NR3C1: variants seen among roughly 807,000 people sequenced by gnomAD.
NR3C1 encodes the protein nuclear receptor subfamily 3 group C member 1, also known as glucocorticoid receptor.
A neutral mutation model predicts 74.0 loss-of-function variants in NR3C1; 14 were observed. The observed-to-expected ratio is 0.19, with a 90% CI of 0.12 to 0.30. NR3C1 has a LOEUF of 0.30. Ranked by LOEUF, NR3C1 falls within the 10% of genes least tolerant of loss-of-function variation. The pLI, the probability that NR3C1 is intolerant of heterozygous loss-of-function variation, is 1.00. For missense variants in NR3C1, 695 were observed against 909.8 expected (o/e 0.76, Z 3.04); for synonymous variants, 308 against 332.5 (o/e 0.93, Z 0.80).
chr5:143,371,637 C>T (rs1834250036), intron 2 of NR3C1, among the ~76,000 whole-genome samples: 1 of 152,212 alleles, frequency 6.6e-6, no homozygotes, highest in Non-Finnish European at 1.5e-5. Flanking sequence ...CTGTCTCTTA[C>T]CAGATGGGTA....
chr5:143,414,519 T>G (rs1454039484), intron 1 of NR3C1, among the ~76,000 whole-genome samples: 1 of 152,232 alleles, frequency 6.6e-6, no homozygotes, highest in Non-Finnish European at 1.5e-5. Context: ...TTGAATGATG[T>G]CCAGCATATT....
At chr5:143,398,356 G>GTTTTTTTTT (rs35241746) in intron 2 of NR3C1, among the ~76,000 whole-genome samples, 1 of 85,342 alleles carries the variant, frequency 1.2e-5, no homozygotes, top group African/African-American at 3.6e-5. Context: ...AGGTTTTTTG[G>GTTTTTTTTT]TTTTTTTTTT....
chr5:143,423,427 C>T (rs1263593973), intron 1 of NR3C1, among the ~76,000 whole-genome samples: 2 of 152,122 alleles, frequency 1.3e-5, no homozygotes, highest in African/African-American at 2.4e-5. Context: ...GTGAAAATTG[C>T]TTCTATCAAA....
At position 143,400,102 on chromosome 5, in the gene NR3C1, C is replaced by T; in HGVS notation, c.738G>A (p.Lys246=). The stretch of plus-strand genomic sequence containing the variant: ...GTTTAGTGTCCGGTAAAATGAGAGG[C>T]TTGCAGTCCTCATTCGAGTTTCCTT... The part of the protein sequence containing the change: ...LLEGNSNEDC[K]PLILPDTKPK... The change falls in exon 2 of 9, where the codon AAG becomes AAA. Residue 246 remains lysine, a synonymous_variant. Transcript: ENST00000394464. 6.2e-7 allele frequency: 1 copy of T among 1,614,204 alleles called. No homozygotes were observed. The highest frequency in any genetic ancestry group is 8.5e-7 in the Non-Finnish European group (1 of 1,180,036).
At chr5:143,313,349 A>G (rs1279054502) in intron 3 of NR3C1, among the ~76,000 whole-genome samples, 9 of 152,200 alleles carry the variant, frequency 5.9e-5, no homozygotes, top group Non-Finnish European at 1.2e-4. Context: ...CAACATTTAT[A>G]TAGTGAAATC....
chr5:143,299,816 C>T (rs1314057523), intron 5 of NR3C1, among the ~76,000 whole-genome samples: 1 of 152,022 alleles, frequency 6.6e-6, no homozygotes, highest in African/African-American at 2.4e-5. Flanking sequence ...AAACATTTGC[C>T]CTGCTATTCA....
chr5:143,349,482 C>T (rs1829870232), intron 2 of NR3C1, among the ~76,000 whole-genome samples: 1 of 152,144 alleles, frequency 6.6e-6, no homozygotes, highest in African/African-American at 2.4e-5. Context: ...CCAACTCTGC[C>T]ATGCATCAGT....
chr5:143,300,243 T>G lies in NR3C1; in HGVS notation c.1747+242A>C, dbSNP rs1044995711. Among the ~76,000 whole-genome samples, 1 of 152,222 alleles carries G rather than the reference T, an allele frequency of 6.6e-6. No individual in the cohort carries two copies. The highest frequency in any genetic ancestry group is 1.5e-5 in the Non-Finnish European group (1 of 68,028). ...GTGAGTCTTGTAACTTGAATTCTGA[T>G]ATTACATCATCCTATGTGAAATTAC... is the stretch of plus-strand genomic sequence containing the variant. On this transcript the variant is annotated intron_variant, in intron 5 of 8. Transcript: ENST00000394464. This position sits in a 1 kb window ranked among gnomAD's most constrained non-coding sequence, Gnocchi z 5.2.
At chr5:143,353,443 A>G (rs1214330063) in intron 2 of NR3C1, among the ~76,000 whole-genome samples, 5 of 152,170 alleles carry the variant, frequency 3.3e-5, no homozygotes, top group Admixed American at 2.6e-4. Flanking sequence ...CAGAGCAATC[A>G]CTGTCTATAG....
intron 2 of NR3C1, among the ~76,000 whole-genome samples, chr5:143,379,511 C>A (rs146727674): frequency 9.2e-5 from 14 of 152,206 alleles, no homozygotes; most frequent in African/African-American, 3.1e-4. Context: ...ACACCTGATT[C>A]CTACAACTAC....
chr5:143,331,059 C>G lies in NR3C1; in HGVS notation c.1185-16891G>C, dbSNP rs570337923. ...CGTATTACCCGACTTCAAACTACTA[C>G]AAGGCTAAAGTAACCAAAACAGCAT... On this transcript the variant is annotated intron_variant, in intron 2 of 8. Transcript: ENST00000394464. Among the ~76,000 whole-genome samples the G allele has an allele frequency of 2.0e-5, 3 of 152,298 alleles. No individual in the cohort carries two copies. In the East Asian group the frequency reaches 5.8e-4, roughly 29 times the overall value.
At chr5:143,314,421 C>CTTTT (rs200172704) in intron 2 of NR3C1, among the ~76,000 whole-genome samples, 1 of 118,798 alleles carries the variant, frequency 8.4e-6, no homozygotes, top group African/African-American at 3.0e-5. Flanking sequence ...ACTTCTTCTT[C>CTTTT]TTTTTTTTTT....
At chr5:143,429,152 C>T (rs1751685874) in intron 1 of NR3C1, among the ~76,000 whole-genome samples, 4 of 152,060 alleles carry the variant, frequency 2.6e-5, no homozygotes, top group Admixed American at 2.6e-4. Flanking sequence ...TCACATATAC[C>T]ACCATCTTAT....
chr5:143,380,881 C>G (rs768437795), intron 2 of NR3C1, among the ~76,000 whole-genome samples: 2 of 152,140 alleles, frequency 1.3e-5, no homozygotes, highest in Non-Finnish European at 2.9e-5. Context: ...AGCCTTTCTT[C>G]TAAGATCTAC....
chr5:143,434,847 G>A, exon 1 of NR3C1: 1 of 985,400 alleles, frequency 1.0e-6, no homozygotes, highest in Non-Finnish European at 1.2e-6. Context: ...TTCAGAAGAA[G>A]CCAGCTACAC....
chr5:143,299,005 G>GTTTTTTT (rs35039262), intron 5 of NR3C1, among the ~76,000 whole-genome samples, 193 bp from the exon 6 acceptor site: 10 of 106,716 alleles, frequency 9.4e-5, no homozygotes, highest in Non-Finnish European at 1.1e-4. Flanking sequence ...ACCCTCTTGT[G>GTTTTTTT]TTTTTTTTTT....
At position 143,362,278 on chromosome 5, in the gene NR3C1, A is replaced by T. The variant is rs1832386025; in HGVS notation, c.1184+37378T>A. Among the ~76,000 whole-genome samples the T allele has an allele frequency of 6.6e-5, 10 of 152,120 alleles. No individual in the cohort carries two copies. In the South Asian group the frequency reaches 1.9e-3, roughly 28 times the overall value. ...CCATCTATCCCTTGATTCCTAGCTT[A>T]GCAGTAGCCATGAAAATAACAGTCC... On this transcript the variant is annotated intron_variant, in intron 2 of 8. Coordinates refer to ENST00000394464, the MANE Select transcript of NR3C1 (RefSeq NM_000176.3).
Position 143,300,148 on chromosome 5 carries a change from T to C in NR3C1, c.1747+337A>G, listed in dbSNP as rs986891144. Among the ~76,000 whole-genome samples the C allele has an allele frequency of 1.3e-5, 2 of 152,178 alleles. No homozygotes were observed. On this transcript the variant is annotated intron_variant, in intron 5 of 8. Coordinates refer to ENST00000394464, the MANE Select transcript of NR3C1 (RefSeq NM_000176.3). This position sits in a 1 kb window ranked among gnomAD's most constrained non-coding sequence, Gnocchi z 5.2. ...AACCTGATTTTTAAAAGTGGCACAA[T>C]GAAGGAAAACAAATGGAATTAACTA...
intron 1 of NR3C1, among the ~76,000 whole-genome samples, chr5:143,411,781 C>T (rs1199811209): frequency 6.6e-6 from 1 of 152,080 alleles, no homozygotes; most frequent in Non-Finnish European, 1.5e-5. Context: ...CATTTACTAA[C>T]ACACTAATGG....
Sources: allele counts gnomAD v4.1 joint callset (sites outside exome capture counted in the v4.1 genomes callset), GRCh38; gene constraint gnomAD v4.1.1; non-coding constraint Gnocchi (gnomAD v3.1); transcripts MANE v1.5; gene names NCBI Gene and HGNC (gene_info 2026-07-23, HGNC 2026-07-21).